Variants in SUGCT observed in about 807,000 individuals in gnomAD.
SUGCT encodes succinyl-CoA:glutarate CoA-transferase.
SUGCT carries 41 observed loss-of-function variants against 55.0 expected under a neutral mutation model. That is an observed-to-expected ratio of 0.74 (90% CI 0.58 to 0.97). The LOEUF is 0.97. Ranked by LOEUF, SUGCT falls within the 50% of genes least tolerant of loss-of-function variation. The probability of loss-of-function intolerance (pLI) is 0.00; values close to 1 mark genes in which losing one functional copy is unlikely to be tolerated. For synonymous variants in SUGCT, 187 were observed against 200.4 expected (o/e 0.93, Z 0.56); for missense variants, 568 against 547.8 (o/e 1.04, Z -0.37).
At chr7:40,906,687 C>T in the SUGCT span, among the ~76,000 whole-genome samples, 5 of 152,110 alleles carry the variant, frequency 3.3e-5, no homozygotes, top group African/African-American at 9.6e-5. Context: ...AATACTAAGC[C>T]GTTTTATATA....
intron 8 of SUGCT, among the ~76,000 whole-genome samples, chr7:40,277,387 G>A (rs969577582): frequency 1.3e-5 from 2 of 150,386 alleles, no homozygotes; most frequent in African/African-American, 4.9e-5. Flanking sequence ...ACGGGGTTTT[G>A]CCATGTTGGC....
At chr7:40,979,178 G>A in the SUGCT span, among the ~76,000 whole-genome samples, 1 of 152,010 alleles carries the variant, frequency 6.6e-6, no homozygotes, top group African/African-American at 2.4e-5. Context: ...TTCCCCCTTA[G>A]CATTTCCCAC....
At chr7:40,185,238 A>G (rs1785435435) in intron 3 of SUGCT, among the ~76,000 whole-genome samples, 1 of 152,132 alleles carries the variant, frequency 6.6e-6, no homozygotes, top group African/African-American at 2.4e-5. Flanking sequence ...TGATTTCAAC[A>G]CTGCAGCACT....
intron 9 of SUGCT, among the ~76,000 whole-genome samples, chr7:40,347,346 C>T (rs550183039): frequency 1.3e-5 from 2 of 152,212 alleles, no homozygotes; most frequent in African/African-American, 4.8e-5. Context: ...AAAAGGCAAC[C>T]CTTGTTATAA....
intron 8 of SUGCT, among the ~76,000 whole-genome samples, chr7:40,316,300 T>C (rs1488622483): frequency 6.6e-6 from 1 of 152,228 alleles, no homozygotes; most frequent in Non-Finnish European, 1.5e-5. Context: ...TTCTGTGTCA[T>C]CAGAAATTTA....
intron 1 of SUGCT, among the ~76,000 whole-genome samples, chr7:40,137,156 C>T (rs747898606): frequency 6.6e-6 from 1 of 152,078 alleles, no homozygotes; most frequent in Non-Finnish European, 1.5e-5. Flanking sequence ...ATGGGGTGGT[C>T]TCACTCTGTC....
intron 4 of SUGCT, 71 bp downstream of exon 4, chr7:40,188,651 G>A: frequency 1.1e-6 from 1 of 934,072 alleles, no homozygotes; most frequent in Non-Finnish European, 1.6e-6. Context: ...TGATATCATT[G>A]TGGCTTGTTT....
the SUGCT span, among the ~76,000 whole-genome samples, chr7:40,930,296 C>T: frequency 4.6e-5 from 7 of 152,166 alleles, no homozygotes; most frequent in African/African-American, 1.7e-4. Context: ...GTTTTGATAC[C>T]AGTACCATGC....
the SUGCT span, among the ~76,000 whole-genome samples, chr7:40,867,873 G>A: frequency 4.6e-5 from 7 of 152,166 alleles, no homozygotes; most frequent in Admixed American, 4.6e-4. Flanking sequence ...CTGGTTACTG[G>A]TGGTTCTCTT....
chr7:40,856,016 T>C (rs1330183258), intron 13 of SUGCT, among the ~76,000 whole-genome samples: 1 of 152,244 alleles, frequency 6.6e-6, no homozygotes, highest in Non-Finnish European at 1.5e-5. Context: ...TCCTTCTTCT[T>C]AGTCCTATTT....
intron 1 of SUGCT, among the ~76,000 whole-genome samples, chr7:40,162,772 T>C (rs557344358): frequency 3.3e-5 from 5 of 152,208 alleles, no homozygotes; most frequent in Non-Finnish European, 7.3e-5. Flanking sequence ...CAGATGTGAG[T>C]CACCTCGCCC....
At chr7:40,978,126 G>T in the SUGCT span, among the ~76,000 whole-genome samples, 2 of 152,172 alleles carry the variant, frequency 1.3e-5, no homozygotes, top group Non-Finnish European at 2.9e-5. Flanking sequence ...TCCCCCTGTG[G>T]ACTGAGGTGG....
chr7:40,863,343 C>G (rs552786089), downstream of SUGCT, among the ~76,000 whole-genome samples: 124 of 152,336 alleles, frequency 8.1e-4, 1 homozygote, highest in Admixed American at 7.8e-4. Context: ...CCTTGGGAAG[C>G]TTGTACCTTC....
At chr7:40,190,687 A>T (rs1056705651) in intron 5 of SUGCT, among the ~76,000 whole-genome samples, 1 of 152,130 alleles carries the variant, frequency 6.6e-6, no homozygotes, top group African/African-American at 2.4e-5. Flanking sequence ...TGGATTCATC[A>T]TGTGGGATAA....
At chr7:40,584,483 A>G (rs1245623199) in intron 12 of SUGCT, among the ~76,000 whole-genome samples, 1 of 152,194 alleles carries the variant, frequency 6.6e-6, no homozygotes, top group Non-Finnish European at 1.5e-5. Flanking sequence ...TCCCAGGCTA[A>G]GTGAACTCCA....
At chr7:40,401,387 C>A (rs1003090141) in intron 9 of SUGCT, among the ~76,000 whole-genome samples, 1 of 152,190 alleles carries the variant, frequency 6.6e-6, no homozygotes, top group Non-Finnish European at 1.5e-5. Context: ...GCTCTGCCCT[C>A]TGTGTGCTCT....
chr7:40,301,604 A>C (rs1794546614), intron 8 of SUGCT, among the ~76,000 whole-genome samples: 1 of 152,216 alleles, frequency 6.6e-6, no homozygotes, highest in African/African-American at 2.4e-5. Flanking sequence ...GAACTTCATC[A>C]TGTACTGTGT....
At chr7:40,474,698 A>G (rs951453846) in intron 11 of SUGCT, among the ~76,000 whole-genome samples, 6 of 152,200 alleles carry the variant, frequency 3.9e-5, no homozygotes. Context: ...GTCAGAAGAC[A>G]AGAAAGGCTA....
At chr7:40,343,080 TA>T in intron 9 of SUGCT, among the ~76,000 whole-genome samples, 1 of 152,030 alleles carries the variant, frequency 6.6e-6, no homozygotes, top group Non-Finnish European at 1.5e-5. Context: ...TGCATGACTT[TA>T]AAAAAAATAA....
Sources: allele counts gnomAD v4.1 joint callset (sites outside exome capture counted in the v4.1 genomes callset), GRCh38; gene constraint gnomAD v4.1.1; transcripts MANE v1.5; gene names NCBI Gene and HGNC (gene_info 2026-07-23, HGNC 2026-07-21).